RAB30: variants seen among roughly 807,000 people sequenced by gnomAD.
RAB30 encodes ras-related protein Rab-30.
Under a neutral mutation model 25.1 loss-of-function variants are expected in RAB30, and 9 were observed. The ratio of observed to expected loss-of-function variants is 0.36; its 90% CI spans 0.22 to 0.63. The LOEUF is 0.63. Among genes scored for constraint, RAB30 ranks in the 20% least tolerant of loss-of-function variants. The pLI, the probability that RAB30 is intolerant of heterozygous loss-of-function variation, is 0.69. For synonymous variants in RAB30, 77 were observed against 86.4 expected (o/e 0.89, Z 0.60); for missense variants, 140 against 243.5 (o/e 0.58, Z 2.83).
At chr11:83,062,972 C>T (rs886113404) in intron 1 of RAB30, among the ~76,000 whole-genome samples, 6 of 145,390 alleles carry the variant, frequency 4.1e-5, no homozygotes, top group Non-Finnish European at 8.9e-5. Context: ...CACTGCACTC[C>T]AGCCTGGGTG....
intron 1 of RAB30, among the ~76,000 whole-genome samples, chr11:83,027,501 T>G (rs1180053896): frequency 6.6e-6 from 1 of 152,110 alleles, no homozygotes; most frequent in Non-Finnish European, 1.5e-5. Flanking sequence ...GATGGTAACA[T>G]CAGGGGAGCC....
At chr11:83,037,284 C>CGAA (rs1858007330) in intron 1 of RAB30, among the ~76,000 whole-genome samples, 1 of 151,918 alleles carries the variant, frequency 6.6e-6, no homozygotes. Flanking sequence ...AAGTCTTATT[C>CGAA]TGTCACCCAG....
At chr11:83,057,622 G>C (rs1858484164) in intron 1 of RAB30, among the ~76,000 whole-genome samples, 1 of 152,186 alleles carries the variant, frequency 6.6e-6, no homozygotes, top group Non-Finnish European at 1.5e-5. Flanking sequence ...CCAAATGCTA[G>C]TAGTGGCCCC....
At chr11:83,007,975 AC>A (rs781532767) in intron 1 of RAB30, among the ~76,000 whole-genome samples, 15 of 152,194 alleles carry the variant, frequency 9.9e-5, no homozygotes, top group Non-Finnish European at 1.5e-4. Flanking sequence ...CCAACAATAA[AC>A]AATACCACTG....
chr11:83,049,485 T>C (rs1480637238), intron 1 of RAB30, among the ~76,000 whole-genome samples: 1 of 132,232 alleles, frequency 7.6e-6, no homozygotes, highest in African/African-American at 2.6e-5. Context: ...GGGCAGTTTT[T>C]GTGTTTTTTT....
chr11:83,013,060 CT>C (rs1857338944), intron 1 of RAB30, among the ~76,000 whole-genome samples: 1 of 152,024 alleles, frequency 6.6e-6, no homozygotes, highest in East Asian at 1.9e-4. Flanking sequence ...TCCATAGACA[CT>C]TTTTTTTAAA....
intron 1 of RAB30, among the ~76,000 whole-genome samples, chr11:83,029,200 A>G (rs561961093): frequency 3.9e-4 from 59 of 152,280 alleles, no homozygotes; most frequent in African/African-American, 1.4e-3. Flanking sequence ...GACAGCCATC[A>G]CCAACAACCC....
chr11:82,992,718 TTCTC>T (rs1003577176), intron 3 of RAB30, among the ~76,000 whole-genome samples: 8 of 118,276 alleles, frequency 6.8e-5, no homozygotes, highest in South Asian at 5.9e-4. Context: ...CTCTCTCTCT[TTCTC>T]TCTCTCTGTC....
At chr11:83,049,396 C>T (rs58181461) in intron 1 of RAB30, among the ~76,000 whole-genome samples, 3,824 of 140,440 alleles carry the variant, frequency 0.027, 137 homozygotes, top group African/African-American at 0.088. Context: ...GGCAACAAAG[C>T]GAGACTCCAT....
At chr11:83,053,284 A>C (rs1858392962) in intron 1 of RAB30, among the ~76,000 whole-genome samples, 1 of 152,232 alleles carries the variant, frequency 6.6e-6, no homozygotes, top group South Asian at 2.1e-4. Context: ...AGCCAGGATA[A>C]GAACACCTAC....
At chr11:83,031,530 T>TCC (rs1263863465) in intron 1 of RAB30, among the ~76,000 whole-genome samples, 16 of 83,590 alleles carry the variant, frequency 1.9e-4, no homozygotes, top group African/African-American at 1.0e-3. Flanking sequence ...TTCTTTTTTT[T>TCC]TCTTTTTTTT....
At chr11:82,988,906 C>A (rs1165326098) in intron 3 of RAB30, among the ~76,000 whole-genome samples, 4 of 146,086 alleles carry the variant, frequency 2.7e-5, no homozygotes, top group African/African-American at 1.0e-4. Flanking sequence ...CCCCACCCCA[C>A]ACAGTCTCTC....
rs145273411 is a variant in RAB30, at chr11:82,975,947, G to A, written c.*6218C>T. ...CCAGTTTTCTTCCCATGAAGAATAG[G>A]AACAAGAAGAAAGAGGTTTAAATTG... On this transcript the variant is annotated 3_prime_UTR_variant, in exon 5 of 5. Coordinates refer to ENST00000527633, the MANE Select transcript of RAB30 (RefSeq NM_001286060.2). 55 of 152,186 alleles carry A rather than the reference G, an allele frequency of 3.6e-4. No homozygotes were observed. The highest frequency in any genetic ancestry group is 1.2e-3 in the African/African-American group (48 of 41,518). 9.4% of individuals were successfully genotyped at this position (152,186 alleles called of 1,614,324 possible).
At chr11:83,029,800 T>C (rs1009476302) in intron 1 of RAB30, among the ~76,000 whole-genome samples, 2 of 152,038 alleles carry the variant, frequency 1.3e-5, no homozygotes, top group Non-Finnish European at 2.9e-5. Flanking sequence ...TAAGTGCCCA[T>C]CAACCAATGA....
chr11:83,033,268 G>A (rs1230967468), intron 1 of RAB30, among the ~76,000 whole-genome samples: 1 of 151,860 alleles, frequency 6.6e-6, no homozygotes, highest in Non-Finnish European at 1.5e-5. Flanking sequence ...GTTTCACCAT[G>A]TTGGTCAGGC....
intron 1 of RAB30, among the ~76,000 whole-genome samples, chr11:82,999,812 G>T (rs1857038843): frequency 6.6e-6 from 1 of 151,900 alleles, no homozygotes; most frequent in Non-Finnish European, 1.5e-5. Flanking sequence ...GACCTACGAA[G>T]GTCCTGGGCC....
Position 82,979,233 on chromosome 11 carries a change from G to A in RAB30, c.*2932C>T, listed in dbSNP as rs1201082262. 2.0e-5 allele frequency: 3 copies of A among 152,080 alleles called. No homozygotes were observed. The highest frequency in any genetic ancestry group is 4.4e-5 in the Non-Finnish European group (3 of 68,014). The allele number at this position is 152,080 out of a possible 1,614,324, so 9.4% of individuals were successfully genotyped here. Reference sequence around the variant, plus strand: ...TTTCCCAAGCCTGACTCCATGACATGAGTATCATGCATTTTCACTGGAAAC... The same window carrying A: ...TTTCCCAAGCCTGACTCCATGACATAAGTATCATGCATTTTCACTGGAAAC... On this transcript the variant is annotated 3_prime_UTR_variant, in exon 5 of 5. Coordinates refer to ENST00000527633, the MANE Select transcript of RAB30 (RefSeq NM_001286060.2).
At chr11:83,005,210 G>C (rs1857160581) in intron 1 of RAB30, among the ~76,000 whole-genome samples, 1 of 152,158 alleles carries the variant, frequency 6.6e-6, no homozygotes, top group South Asian at 2.1e-4. Context: ...GAGGGTTTAG[G>C]TAATGAAGTG....
intron 1 of RAB30, among the ~76,000 whole-genome samples, chr11:83,055,081 C>T (rs965695257): frequency 8.5e-5 from 13 of 152,142 alleles, no homozygotes; most frequent in Non-Finnish European, 1.8e-4. Context: ...GCCACCTACC[C>T]GTCATGTGAT....
Sources: gnomAD v4.1 joint callset for allele counts (sites outside exome capture counted in the v4.1 genomes callset) on GRCh38, gnomAD v4.1.1 for gene constraint, MANE v1.5 for transcripts, NCBI Gene and HGNC (gene_info 2026-07-23, HGNC 2026-07-21) for gene names.